The following CDA variants were observed in gnomAD, a reference collection of about 807,000 sequenced individuals.
The protein encoded by CDA is cytidine aminohydrolase.
A neutral mutation model predicts 15.0 loss-of-function variants in CDA; 7 were observed. The ratio of observed to expected loss-of-function variants is 0.47; its 90% CI spans 0.26 to 0.87. CDA has a LOEUF of 0.87. CDA is among the 40% of genes least tolerant of loss of function. The pLI, the probability that CDA is intolerant of heterozygous loss-of-function variation, is 0.15. For synonymous variants in CDA, 58 were observed against 73.0 expected (o/e 0.79, Z 1.05); for missense variants, 159 against 182.7 (o/e 0.87, Z 0.75).
intron 1 of CDA, among the ~76,000 whole-genome samples, chr1:20,601,962 A>T (rs146213498): frequency 1.3e-5 from 2 of 152,034 alleles, no homozygotes; most frequent in African/African-American, 2.4e-5. Context: ...CTACAAAAAA[A>T]TACAAAAAAT....
At chr1:20,596,544 C>T (rs965265111) in intron 1 of CDA, among the ~76,000 whole-genome samples, 1 of 151,946 alleles carries the variant, frequency 6.6e-6, no homozygotes, top group Non-Finnish European at 1.5e-5. Context: ...ATAACAAGAC[C>T]CTGTCTCTAA....
At chr1:20,614,744 G>C (rs1300459178) in intron 3 of CDA, among the ~76,000 whole-genome samples, 1 of 152,238 alleles carries the variant, frequency 6.6e-6, no homozygotes, top group Non-Finnish European at 1.5e-5. Flanking sequence ...CTAGGGCCTG[G>C]TAGGTGGAAG....
At chr1:20,610,261 CT>C (rs760754305) in intron 2 of CDA, among the ~76,000 whole-genome samples, 59 of 62,970 alleles carry the variant, frequency 9.4e-4, no homozygotes, top group South Asian at 1.7e-3. Flanking sequence ...CACACATTAT[CT>C]TTTTTTTTTT....
chr1:20,598,996 A>G (rs1570378473), intron 1 of CDA, among the ~76,000 whole-genome samples: 1 of 152,376 alleles, frequency 6.6e-6, no homozygotes, highest in South Asian at 2.1e-4. Flanking sequence ...AAGTGCTATG[A>G]AGAAAATTAA....
At chr1:20,590,348 T>A (rs1189075128) in intron 1 of CDA, among the ~76,000 whole-genome samples, 3 of 152,206 alleles carry the variant, frequency 2.0e-5, no homozygotes. Context: ...CTCCAAAAGC[T>A]GTTGCTCTGT....
At chr1:20,613,565 G>A (rs573691120) in intron 2 of CDA, among the ~76,000 whole-genome samples, 1 of 152,184 alleles carries the variant, frequency 6.6e-6, no homozygotes, top group Admixed American at 6.5e-5. Flanking sequence ...AATTCTCTTT[G>A]ACCTTTGTAT....
At position 20,610,729 on chromosome 1, in the gene CDA, C is replaced by G. The variant is rs184109292; in HGVS notation, c.267-3113C>G. Among the ~76,000 whole-genome samples the G allele has an allele frequency of 1.4e-4, 21 of 152,236 alleles. No homozygotes were observed. In the South Asian group the frequency reaches 3.7e-3, roughly 27 times the overall value. Reference sequence around the variant, plus strand: ...CTTACATACGTAAGGAAATAAATGTCCAGCACTTAGAACAGGCAGTAACAA... The same window carrying G: ...CTTACATACGTAAGGAAATAAATGTGCAGCACTTAGAACAGGCAGTAACAA... On this transcript the variant is annotated intron_variant, in intron 2 of 3. Transcript: ENST00000375071.
At chr1:20,600,297 G>C (rs1365750365) in intron 1 of CDA, among the ~76,000 whole-genome samples, 2 of 152,156 alleles carry the variant, frequency 1.3e-5, no homozygotes, top group African/African-American at 4.8e-5. Context: ...TTTAGTCAGG[G>C]ATCGGGCAGG....
intron 1 of CDA, among the ~76,000 whole-genome samples, chr1:20,601,818 G>A (rs1052310261): frequency 5.3e-5 from 8 of 152,134 alleles, no homozygotes; most frequent in Non-Finnish European, 1.2e-4. Context: ...TAATCACAAT[G>A]AAGACTTGGA....
In CDA at chr1:20,618,665, T is replaced by G. The variant is rs1781459; in HGVS notation, c.*97T>G. 10 of 801,586 alleles carry G rather than the reference T, an allele frequency of 1.2e-5. No individual in the cohort carries two copies. The highest frequency in any genetic ancestry group is 2.2e-5 in the Non-Finnish European group (10 of 447,274). 49.7% of individuals were successfully genotyped at this position (801,586 alleles called of 1,614,324 possible). A position where few individuals can be genotyped will look rare whatever the true frequency, so the allele number is the denominator to read the frequency against. ...ACACCTGCCCAGTGGGCCCCAGCCCTACAGGGACTGGGCAAAGATGATGTT... is the reference window on the plus strand; with the variant it reads ...ACACCTGCCCAGTGGGCCCCAGCCCGACAGGGACTGGGCAAAGATGATGTT... On this transcript the variant is annotated 3_prime_UTR_variant, in exon 4 of 4. Coordinates refer to ENST00000375071, the MANE Select transcript of CDA (RefSeq NM_001785.3).
chr1:20,603,027 A>C (rs547896327), intron 1 of CDA, among the ~76,000 whole-genome samples: 1 of 152,262 alleles, frequency 6.6e-6, no homozygotes, highest in East Asian at 1.9e-4. Context: ...CAGGGAGAGA[A>C]ATTTCAGTGG....
Position 20,618,628 on chromosome 1 carries a change from A to C in CDA, c.*60A>C. 107 of 1,043,228 alleles carry C rather than the reference A, an allele frequency of 1.0e-4. No homozygotes were observed. Among genetic ancestry groups the C allele is most frequent in the Non-Finnish European group, 1.5e-4 (99 of 659,156 alleles). 64.6% of individuals were successfully genotyped at this position (1,043,228 alleles called of 1,614,324 possible). ...CTGGAGAACTTCATAAAGATGTCTC[A>C]CAGCCCTGGGGACACCTGCCCAGTG... On this transcript the variant is annotated 3_prime_UTR_variant, in exon 4 of 4. Coordinates refer to ENST00000375071, the MANE Select transcript of CDA (RefSeq NM_001785.3).
chr1:20,603,000 G>C (rs2052661647), intron 1 of CDA, among the ~76,000 whole-genome samples: 1 of 152,180 alleles, frequency 6.6e-6, no homozygotes, highest in Non-Finnish European at 1.5e-5. Context: ...CTTTGCCACA[G>C]GGCTGATTCC....
chr1:20,614,023 C>T, intron 3 of CDA, 124 bp downstream of exon 3: 1 of 842,760 alleles, frequency 1.2e-6, no homozygotes, highest in South Asian at 1.4e-5. Flanking sequence ...GTCCTGTTTG[C>T]TTGGTTGGCT....
At chr1:20,617,083 G>A (rs1361951886) in intron 3 of CDA, among the ~76,000 whole-genome samples, 1 of 152,178 alleles carries the variant, frequency 6.6e-6, no homozygotes, top group Admixed American at 6.5e-5. Context: ...CACCTCCAGG[G>A]CTCTTGTCAT....
At chr1:20,605,243 A>G (rs1247220646) in intron 2 of CDA, among the ~76,000 whole-genome samples, 1 of 152,158 alleles carries the variant, frequency 6.6e-6, no homozygotes, top group Non-Finnish European at 1.5e-5. Flanking sequence ...GAGCCTGCAA[A>G]GCAGGTAAAT....
intron 2 of CDA, among the ~76,000 whole-genome samples, chr1:20,611,533 A>G (rs1199763614): frequency 6.6e-6 from 1 of 152,066 alleles, no homozygotes; most frequent in Non-Finnish European, 1.5e-5. Context: ...GGTGTGCACC[A>G]CCACACCCAG....
intron 1 of CDA, among the ~76,000 whole-genome samples, chr1:20,597,919 A>G (rs1239231844): frequency 4.0e-5 from 6 of 151,542 alleles, no homozygotes; most frequent in Middle Eastern, 3.5e-3. Flanking sequence ...TGAGCTAGAA[A>G]ATTCAAGGAA....
In CDA at chr1:20,607,339, C is replaced by T. The variant is rs540643062; in HGVS notation, c.266+2300C>T. On this transcript the variant is annotated intron_variant, in intron 2 of 3. Transcript: ENST00000375071. Reference sequence around the variant, plus strand: ...ACTCAAGGAGAAGGGCTCCAGTATCCGATAGCCTTCCCTGTCACCGAGGTG... The same window carrying T: ...ACTCAAGGAGAAGGGCTCCAGTATCTGATAGCCTTCCCTGTCACCGAGGTG... Among the ~76,000 whole-genome samples, 39 of 152,260 alleles carry T rather than the reference C, an allele frequency of 2.6e-4. 1 individual carries two copies. The South Asian group carries it at 3.5e-3, about 14-fold the overall frequency.
Sources: gnomAD v4.1 joint callset for allele counts (sites outside exome capture counted in the v4.1 genomes callset) on GRCh38, gnomAD v4.1.1 for gene constraint, MANE v1.5 for transcripts, NCBI Gene and HGNC (gene_info 2026-07-23, HGNC 2026-07-21) for gene names.